Variants in TDRD3 observed in about 807,000 individuals in gnomAD.
TDRD3 encodes tudor domain-containing protein 3.
TDRD3 carries 45 observed loss-of-function variants against 86.7 expected under a neutral mutation model. The observed-to-expected ratio is 0.52, with a 90% CI of 0.41 to 0.67. TDRD3 has a LOEUF of 0.67. TDRD3 is among the 30% of genes least tolerant of loss of function. The probability of loss-of-function intolerance (pLI) is 0.00; values close to 1 mark genes in which losing one functional copy is unlikely to be tolerated. For synonymous variants in TDRD3, 298 were observed against 301.7 expected, an observed-to-expected ratio of 0.99 and a Z score of 0.13; for missense variants, 814 against 889.0, an observed-to-expected ratio of 0.92 and a Z score of 1.07.
intron 3 of TDRD3, among the ~76,000 whole-genome samples, chr13:60,458,724 G>T (rs2138044557): frequency 6.6e-6 from 1 of 152,248 alleles, no homozygotes; most frequent in African/African-American, 2.4e-5. Context: ...CTTGAAATAT[G>T]GCTAGTACGA....
At chr13:60,562,755 T>G (rs1958365027) in intron 12 of TDRD3, among the ~76,000 whole-genome samples, 1 of 152,236 alleles carries the variant, frequency 6.6e-6, no homozygotes, top group Admixed American at 6.5e-5. Flanking sequence ...TGATTCAATT[T>G]TATTAAATTA....
At chr13:60,400,487 T>C (rs1402576441) in intron 1 of TDRD3, among the ~76,000 whole-genome samples, 3 of 152,226 alleles carry the variant, frequency 2.0e-5, no homozygotes, top group Non-Finnish European at 4.4e-5. Context: ...GGCTCATGCC[T>C]GTAATCCCAG....
At position 60,508,422 on chromosome 13, in the gene TDRD3, T is replaced by C. The variant is rs145876931; in HGVS notation, c.859-1341T>C. Among the ~76,000 whole-genome samples the C allele has an allele frequency of 1.6e-3, 242 of 152,264 alleles. 1 individual carries two copies. Among genetic ancestry groups the C allele is most frequent in the Non-Finnish European group, 3.0e-3 (203 of 68,016 alleles). On this transcript the variant is annotated intron_variant, in intron 8 of 13. Transcript: ENST00000377881. The stretch of plus-strand genomic sequence containing the variant: ...CATGATATTGGTACCAAAACAAATA[T>C]ATAGACCAATGGAACAGAACAGACG...
At chr13:60,453,055 CATT>C (rs1254101498) in intron 3 of TDRD3, among the ~76,000 whole-genome samples, 2 of 151,980 alleles carry the variant, frequency 1.3e-5, no homozygotes, top group Non-Finnish European at 2.9e-5. Context: ...TAGTTCAACT[CATT>C]AGTTTTATTT....
At chr13:60,561,053 A>G (rs1958321063) in intron 12 of TDRD3, among the ~76,000 whole-genome samples, 1 of 152,170 alleles carries the variant, frequency 6.6e-6, no homozygotes, top group African/African-American at 2.4e-5. Context: ...TAATTCTTCA[A>G]TATATTTTCT....
intron 1 of TDRD3, among the ~76,000 whole-genome samples, chr13:60,420,602 T>TA (rs532471305): frequency 6.6e-5 from 10 of 151,710 alleles, no homozygotes; most frequent in African/African-American, 1.9e-4. Context: ...GTGACATTTG[T>TA]AAAAAAAAAT....
At chr13:60,472,040 CCTTT>C (rs1200104423) in intron 5 of TDRD3, among the ~76,000 whole-genome samples, 1 of 151,864 alleles carries the variant, frequency 6.6e-6, no homozygotes, top group East Asian at 1.9e-4. Context: ...TTGAGTAGTT[CCTTT>C]CTATTTTTAG....
Position 60,534,984 on chromosome 13 carries a change from A to C in TDRD3, c.1993-124A>C, listed in dbSNP as rs1595083444. On this transcript the variant is annotated intron_variant, in intron 11 of 13. Transcript: ENST00000377881. Reference sequence around the variant, plus strand: ...ACTAATGTGACTCAAAAGGGTTCCAAAGGTAAGTTTCCTTCTAAAGAATAT... The same window carrying C: ...ACTAATGTGACTCAAAAGGGTTCCACAGGTAAGTTTCCTTCTAAAGAATAT... 5.3e-6 allele frequency: 6 copies of C among 1,142,184 alleles called. No individual in the cohort carries two copies. In the East Asian group the frequency reaches 1.6e-4, roughly 30 times the overall value. 70.8% of individuals were successfully genotyped at this position (1,142,184 alleles called of 1,614,324 possible). A position where few individuals can be genotyped will look rare whatever the true frequency, so the allele number is the denominator to read the frequency against.
At chr13:60,496,438 C>T (rs1259565170) in intron 8 of TDRD3, among the ~76,000 whole-genome samples, 5 of 149,544 alleles carry the variant, frequency 3.3e-5, no homozygotes, top group South Asian at 2.1e-4. Flanking sequence ...GTATTTGTTT[C>T]GTTAGATTTG....
intron 5 of TDRD3, among the ~76,000 whole-genome samples, chr13:60,479,827 CT>C (rs2137477447): frequency 6.6e-6 from 1 of 152,204 alleles, no homozygotes; most frequent in Non-Finnish European, 1.5e-5. Flanking sequence ...GACCCCTGCT[CT>C]TTTTTGTTTT....
chr13:60,506,738 C>T (rs1318423829), intron 8 of TDRD3, among the ~76,000 whole-genome samples: 3 of 151,976 alleles, frequency 2.0e-5, no homozygotes, highest in African/African-American at 7.3e-5. Flanking sequence ...GCCTGGGTGA[C>T]AGAATGAAAC....
At chr13:60,482,811 T>C (rs534635819) in intron 5 of TDRD3, among the ~76,000 whole-genome samples, 2 of 152,060 alleles carry the variant, frequency 1.3e-5, no homozygotes, top group South Asian at 4.1e-4. Context: ...AACTCTGGAA[T>C]ATGCTTGAAA....
intron 1 of TDRD3, among the ~76,000 whole-genome samples, chr13:60,420,822 T>C (rs1282255846): frequency 6.6e-6 from 1 of 152,074 alleles, no homozygotes; most frequent in Non-Finnish European, 1.5e-5. Flanking sequence ...CGGGCGCCTG[T>C]AGTCCCAGCT....
intron 11 of TDRD3, among the ~76,000 whole-genome samples, chr13:60,530,308 C>T (rs1957551270): frequency 6.6e-6 from 1 of 151,834 alleles, no homozygotes; most frequent in South Asian, 2.1e-4. Flanking sequence ...CTGGAGAGAG[C>T]AATTACATAT....
rs111324954 is a variant in TDRD3 at position 60,439,395 on chromosome 13, A to G, written c.42-293A>G. On this transcript the variant is annotated intron_variant, in intron 1 of 13. Coordinates refer to ENST00000377881, the MANE Select transcript of TDRD3 (RefSeq NM_001146070.2). ...GTCGAGATTATATTTGTATAATAGC[A>G]AAGAGCAGCTTATACATCCCTTAAG... is the stretch of plus-strand genomic sequence containing the variant. Among the ~76,000 whole-genome samples the G allele has an allele frequency of 3.4e-3, 515 of 152,312 alleles. 4 individuals are homozygous for G. Among genetic ancestry groups the G allele is most frequent in the African/African-American group, 0.012 (491 of 41,588 alleles).
intron 12 of TDRD3, among the ~76,000 whole-genome samples, chr13:60,556,933 A>T (rs967779117): frequency 6.6e-6 from 1 of 152,196 alleles, no homozygotes; most frequent in Non-Finnish European, 1.5e-5. Context: ...GGCCGGGTGC[A>T]GTGGCTGACG....
chr13:60,407,256 C>G (rs569409279), intron 1 of TDRD3, among the ~76,000 whole-genome samples: 1 of 152,238 alleles, frequency 6.6e-6, no homozygotes, highest in South Asian at 2.1e-4. Context: ...AAGCATTTAG[C>G]ACGATGTAAG....
chr13:60,528,320 G>A, intron 10 of TDRD3, 47 bp from the exon 11 acceptor site: 3 of 1,515,920 alleles, frequency 2.0e-6, no homozygotes, highest in Non-Finnish European at 2.6e-6. Flanking sequence ...AATTATTAAT[G>A]CAGAGTCTTC....
At chr13:60,550,019 A>G (rs1958013276) in intron 12 of TDRD3, among the ~76,000 whole-genome samples, 1 of 152,090 alleles carries the variant, frequency 6.6e-6, no homozygotes, top group Non-Finnish European at 1.5e-5. Flanking sequence ...CTGCATCATG[A>G]ACACTTGATC....
Sources: allele counts gnomAD v4.1 joint callset (sites outside exome capture counted in the v4.1 genomes callset), GRCh38; gene constraint gnomAD v4.1.1; transcripts MANE v1.5; gene names NCBI Gene and HGNC (gene_info 2026-07-23, HGNC 2026-07-21).